The following HFM1 variants were observed in gnomAD, a reference collection of about 807,000 sequenced individuals.
HFM1 encodes the protein probable ATP-dependent DNA helicase HFM1.
A neutral mutation model predicts 192.1 loss-of-function variants in HFM1; 169 were observed. That is an observed-to-expected ratio of 0.88 (90% CI 0.78 to 1.00). The LOEUF (loss-of-function observed/expected upper bound fraction) is 1.00, where lower values mean the gene tolerates loss of function less well. HFM1 is among the 50% of genes least tolerant of loss of function. HFM1 has a pLI of 0.00. For missense variants in HFM1, 1,661 were observed against 1,668.0 expected (o/e 1.00, Z 0.07); for synonymous variants, 525 against 537.8 (o/e 0.98, Z 0.33).
chr1:91,316,287 G>C, intron 26 of HFM1, 103 bp from the exon 27 acceptor site: 1 of 1,008,112 alleles, frequency 9.9e-7, no homozygotes, highest in South Asian at 1.7e-5. Flanking sequence ...TCACCCAAAA[G>C]TAAGTTGAAA....
At chr1:91,396,178 T>C (rs921325423) in intron 3 of HFM1, 115 bp downstream of exon 3, 7 of 485,564 alleles carry the variant, frequency 1.4e-5, no homozygotes, top group African/African-American at 9.9e-5. Flanking sequence ...TGGGGGCATA[T>C]GCATTATTTT....
intron 11 of HFM1, chr1:91,377,409 G>A (rs1571172465): frequency 1.3e-5 from 2 of 152,076 alleles, no homozygotes; most frequent in South Asian, 4.1e-4. Flanking sequence ...AGGCTGAGAA[G>A]TAAGTAGGAG....
intron 8 of HFM1, among the ~76,000 whole-genome samples, chr1:91,379,774 A>G (rs1222854049): frequency 6.6e-6 from 1 of 152,262 alleles, no homozygotes; most frequent in East Asian, 1.9e-4. Context: ...CTTTGATTAA[A>G]AAAAATTTTT....
At chr1:91,289,855 A>C (rs926658360) in intron 30 of HFM1, among the ~76,000 whole-genome samples, 35 of 152,232 alleles carry the variant, frequency 2.3e-4, no homozygotes, top group African/African-American at 8.4e-4. Flanking sequence ...CCGTGCAAAG[A>C]GGGAGAGGGA....
intron 13 of HFM1, among the ~76,000 whole-genome samples, chr1:91,373,118 C>G (rs1048161314): frequency 6.8e-6 from 1 of 146,892 alleles, no homozygotes; most frequent in Non-Finnish European, 1.5e-5. Flanking sequence ...CTTTAATAGA[C>G]TATCTTTATA....
At chr1:91,348,470 A>G (rs1049219533) in intron 18 of HFM1, among the ~76,000 whole-genome samples, 1 of 152,202 alleles carries the variant, frequency 6.6e-6, no homozygotes, top group Non-Finnish European at 1.5e-5. Flanking sequence ...CTAGAGATTT[A>G]TCATACGGAT....
At chr1:91,337,605 A>G (rs1054281275) in intron 20 of HFM1, among the ~76,000 whole-genome samples, 4 of 152,230 alleles carry the variant, frequency 2.6e-5, no homozygotes, top group Admixed American at 1.3e-4. Flanking sequence ...TCCCGTCTCC[A>G]GTACTGCATC....
chr1:91,348,322 C>A (rs961825414), intron 18 of HFM1, among the ~76,000 whole-genome samples: 1 of 152,054 alleles, frequency 6.6e-6, no homozygotes, highest in Non-Finnish European at 1.5e-5. Context: ...CAAGCATACA[C>A]CCTGAAGGAA....
intron 20 of HFM1, among the ~76,000 whole-genome samples, chr1:91,341,853 T>C (rs1247779372): frequency 1.3e-5 from 2 of 149,768 alleles, no homozygotes; most frequent in East Asian, 2.0e-4. Flanking sequence ...AATGGGGAGA[T>C]AGACTGCTGG....
At chr1:91,374,487 A>G (rs772063984) in intron 13 of HFM1, among the ~76,000 whole-genome samples, 34 of 152,200 alleles carry the variant, frequency 2.2e-4, no homozygotes, top group South Asian at 6.2e-4. Context: ...GGGAAGTGGC[A>G]GTGTTGATGG....
intron 30 of HFM1, among the ~76,000 whole-genome samples, chr1:91,291,006 G>A (rs1321122345): frequency 6.6e-6 from 1 of 152,064 alleles, no homozygotes; most frequent in Admixed American, 6.6e-5. Context: ...AAACCAACGA[G>A]AACGAAGACA....
At chr1:91,358,607 T>C (rs1432951846) in intron 13 of HFM1, among the ~76,000 whole-genome samples, 1 of 152,024 alleles carries the variant, frequency 6.6e-6, no homozygotes, top group Admixed American at 6.6e-5. Context: ...AAGAATAAAA[T>C]TGCACCCTTA....
intron 20 of HFM1, among the ~76,000 whole-genome samples, chr1:91,334,297 C>T (rs1654256708): frequency 6.6e-6 from 1 of 152,128 alleles, no homozygotes; most frequent in African/African-American, 2.4e-5. Flanking sequence ...AAACTACCCA[C>T]ACCTCAGAAG....
chr1:91,286,827 G>A lies in HFM1; in HGVS notation c.3392-9765C>T, dbSNP rs115779515. Reference sequence around the variant, plus strand: ...TGCACCGTGCGCCAGCCGAAGCAAGGCGAGGCGTTGCCTCACTCGGGAAGC... The same window carrying A: ...TGCACCGTGCGCCAGCCGAAGCAAGACGAGGCGTTGCCTCACTCGGGAAGC... On this transcript the variant is annotated intron_variant, in intron 30 of 38. Transcript: ENST00000370425. Among the ~76,000 whole-genome samples, 826 of 152,318 alleles carry A rather than the reference G, an allele frequency of 5.4e-3. 5 individuals are homozygous for A. Among genetic ancestry groups the A allele is most frequent in the African/African-American group, 0.019 (794 of 41,574 alleles).
At chr1:91,344,310 AACAC>A (rs1655811899) in intron 19 of HFM1, among the ~76,000 whole-genome samples, 1 of 152,184 alleles carries the variant, frequency 6.6e-6, no homozygotes, top group African/African-American at 2.4e-5. Context: ...CACTCAAAAA[AACAC>A]CCTTGGAGTT....
rs1474092644 is a variant in HFM1, at chr1:91,370,540, AC to A, written c.1685+4817del. Among the ~76,000 whole-genome samples, 31 of 152,082 alleles carry A rather than the reference AC, an allele frequency of 2.0e-4. No individual in the cohort carries two copies. The East Asian group carries it at 5.4e-3, about 27-fold the overall frequency. On this transcript the variant is annotated intron_variant, in intron 13 of 38. Coordinates refer to ENST00000370425, the MANE Select transcript of HFM1 (RefSeq NM_001017975.6). ...AAAAGGCCTTTGACAAAATTCAACA[AC>A]CCTTCATGCTAAAAACTCTCAATAA...
chr1:91,371,084 A>C (rs1660118454), intron 13 of HFM1, among the ~76,000 whole-genome samples: 1 of 151,838 alleles, frequency 6.6e-6, no homozygotes, highest in African/African-American at 2.4e-5. Context: ...GCTCAAGGAA[A>C]TAAAAGAGGA....
intron 34 of HFM1, among the ~76,000 whole-genome samples, chr1:91,271,536 A>T (rs1307545353): frequency 6.6e-6 from 1 of 152,150 alleles, no homozygotes; most frequent in South Asian, 2.1e-4. Context: ...GGAAAGACAC[A>T]GTGGAGAGGA....
At chr1:91,396,534 AT>A (rs1663684706) in intron 2 of HFM1, 129 bp from the exon 3 acceptor site, 2 of 548,652 alleles carry the variant, frequency 3.6e-6, no homozygotes, top group Non-Finnish European at 6.5e-6. Context: ...CAGCACTTTG[AT>A]TTATCCCTAT....
Sources: gnomAD v4.1 joint callset for allele counts (sites outside exome capture counted in the v4.1 genomes callset) on GRCh38, gnomAD v4.1.1 for gene constraint, MANE v1.5 for transcripts, NCBI Gene and HGNC (gene_info 2026-07-23, HGNC 2026-07-21) for gene names.